PALM2AKAP2: variants seen among roughly 807,000 people sequenced by gnomAD.
PALM2AKAP2 encodes the protein PALM2 and AKAP2 fusion.
PALM2AKAP2 carries 37 observed loss-of-function variants against 71.5 expected under a neutral mutation model. That is an observed-to-expected ratio of 0.52 (90% confidence interval 0.40 to 0.68). The LOEUF (loss-of-function observed/expected upper bound fraction) is 0.68, where lower values mean the gene tolerates loss of function less well. Among genes scored for constraint, PALM2AKAP2 ranks in the 30% least tolerant of loss-of-function variants. The probability of loss-of-function intolerance (pLI) is 0.00; values close to 1 mark genes in which losing one functional copy is unlikely to be tolerated. For synonymous variants in PALM2AKAP2, 468 were observed against 478.8 expected, an observed-to-expected ratio of 0.98 and a Z score of 0.29; for missense variants, 1,224 against 1,191.8, an observed-to-expected ratio of 1.03 and a Z score of -0.40.
At chr9:109,941,741 G>A (rs1302220008) in intron 6 of PALM2AKAP2, among the ~76,000 whole-genome samples, 1 of 152,160 alleles carries the variant, frequency 6.6e-6, no homozygotes, top group African/African-American at 2.4e-5. Context: ...GGAAAGAGCT[G>A]TCCTTAGCAA....
chr9:110,143,024 G>A (rs1393770319), intron 2 of PALM2AKAP2, among the ~76,000 whole-genome samples: 1 of 152,162 alleles, frequency 6.6e-6, no homozygotes, highest in Non-Finnish European at 1.5e-5. Flanking sequence ...CACTTCCGAA[G>A]GCAGGCGCCA....
At chr9:110,049,246 C>G (rs111874033) in intron 1 of PALM2AKAP2, among the ~76,000 whole-genome samples, 2 of 152,322 alleles carry the variant, frequency 1.3e-5, no homozygotes, top group African/African-American at 4.8e-5. Flanking sequence ...TCTCCTGCCC[C>G]GGGAGCACCG....
At chr9:109,921,839 C>A (rs1830838150) in intron 3 of PALM2AKAP2, among the ~76,000 whole-genome samples, 1 of 152,092 alleles carries the variant, frequency 6.6e-6, no homozygotes. Flanking sequence ...CTACTTTTAC[C>A]CTGAGTGAAA....
At chr9:109,963,939 A>T (rs1305863515) in intron 6 of PALM2AKAP2, among the ~76,000 whole-genome samples, 2 of 152,196 alleles carry the variant, frequency 1.3e-5, no homozygotes, top group Non-Finnish European at 2.9e-5. Context: ...GACAGAGCAG[A>T]GGGTACAAAG....
chr9:110,069,736 C>T (rs1251250981), intron 1 of PALM2AKAP2, among the ~76,000 whole-genome samples: 3 of 152,204 alleles, frequency 2.0e-5, no homozygotes, highest in Non-Finnish European at 4.4e-5. Flanking sequence ...ATCTGCTTTG[C>T]AGAACCTGTG....
intron 3 of PALM2AKAP2, among the ~76,000 whole-genome samples, chr9:109,920,819 T>A (rs1033689589): frequency 2.0e-5 from 3 of 151,832 alleles, no homozygotes; most frequent in African/African-American, 7.3e-5. Flanking sequence ...AATAAATAAA[T>A]AAAACCTGCT....
upstream of PALM2AKAP2, chr9:110,048,477 C>T: frequency 1.9e-6 from 1 of 535,630 alleles, no homozygotes. Context: ...TTCCCTCTCT[C>T]CAGTCTCTGC....
intron 7 of PALM2AKAP2, among the ~76,000 whole-genome samples, chr9:110,041,529 C>T (rs1222748715): frequency 6.6e-6 from 1 of 152,014 alleles, no homozygotes; most frequent in Non-Finnish European, 1.5e-5. Flanking sequence ...ATCAGGTCAC[C>T]ATTTCCTTAT....
intron 1 of PALM2AKAP2, among the ~76,000 whole-genome samples, chr9:109,750,570 A>AAGTGTGTGTG (rs746154004): frequency 0.019 from 1,820 of 97,832 alleles, 56 homozygotes; most frequent in East Asian, 0.18. Flanking sequence ...CTGCCCTAGG[A>AAGTGTGTGTG]CGTGTGTGTG....
At chr9:109,912,721 T>TAGAC (rs375640132) in intron 3 of PALM2AKAP2, among the ~76,000 whole-genome samples, 34 of 136,174 alleles carry the variant, frequency 2.5e-4, no homozygotes, top group African/African-American at 7.0e-4. Flanking sequence ...GATAGATAGA[T>TAGAC]AGACAGACAG....
At chr9:109,804,090 G>T (rs1243896888) in intron 1 of PALM2AKAP2, among the ~76,000 whole-genome samples, 1 of 152,212 alleles carries the variant, frequency 6.6e-6, no homozygotes, top group Admixed American at 6.5e-5. Context: ...ACATTCCCCA[G>T]AGGGCTTCAG....
At chr9:110,081,277 C>A (rs1834442048) in intron 1 of PALM2AKAP2, among the ~76,000 whole-genome samples, 1 of 152,114 alleles carries the variant, frequency 6.6e-6, no homozygotes, top group African/African-American at 2.4e-5. Flanking sequence ...AGGGATGTAT[C>A]AAAAGATATT....
At chr9:110,168,040 A>G (rs1050667144) in intron 3 of PALM2AKAP2, among the ~76,000 whole-genome samples, 2 of 152,238 alleles carry the variant, frequency 1.3e-5, no homozygotes, top group Non-Finnish European at 2.9e-5. Flanking sequence ...CGTTTTCATC[A>G]TTGCATAAAG....
intron 1 of PALM2AKAP2, among the ~76,000 whole-genome samples, chr9:110,103,819 C>A (rs967200279): frequency 6.6e-6 from 1 of 152,198 alleles, no homozygotes; most frequent in African/African-American, 2.4e-5. Context: ...ATTAGATGGG[C>A]CTTTGTTCCC....
intron 6 of PALM2AKAP2, among the ~76,000 whole-genome samples, chr9:109,996,384 G>T (rs1832575736): frequency 6.6e-6 from 1 of 152,200 alleles, no homozygotes; most frequent in South Asian, 2.1e-4. Context: ...TTTGAGTAGG[G>T]AAAAGGAACA....
intron 1 of PALM2AKAP2, among the ~76,000 whole-genome samples, chr9:110,058,896 TGG>T (rs1198902825): frequency 2.9e-5 from 4 of 137,474 alleles, no homozygotes; most frequent in African/African-American, 1.2e-4. Flanking sequence ...GAAAGTTTTT[TGG>T]TTTTTTTTTT....
At chr9:109,786,595 T>A (rs564339199) in intron 1 of PALM2AKAP2, among the ~76,000 whole-genome samples, 5 of 152,198 alleles carry the variant, frequency 3.3e-5, no homozygotes, top group Admixed American at 1.3e-4. Context: ...AGCTGCCCAC[T>A]GGATAGGTGA....
chr9:109,896,930 G>T (rs1830217217), intron 3 of PALM2AKAP2, among the ~76,000 whole-genome samples: 2 of 152,178 alleles, frequency 1.3e-5, no homozygotes, highest in Non-Finnish European at 1.5e-5. Flanking sequence ...GAAATGTTCA[G>T]TTCCAGCTAT....
At chr9:109,849,795 AAGAG>A (rs746276849) in intron 1 of PALM2AKAP2, among the ~76,000 whole-genome samples, 2 of 152,038 alleles carry the variant, frequency 1.3e-5, no homozygotes, top group Non-Finnish European at 1.5e-5. Context: ...AATAAACGGA[AAGAG>A]AGAGAGAGGA....
Sources: gnomAD v4.1 joint callset for allele counts (sites outside exome capture counted in the v4.1 genomes callset) on GRCh38, gnomAD v4.1.1 for gene constraint, MANE v1.5 for transcripts, NCBI Gene and HGNC (gene_info 2026-07-23, HGNC 2026-07-21) for gene names.